PTPRD: variants seen among roughly 807,000 people sequenced by gnomAD.
The protein encoded by PTPRD is receptor-type tyrosine-protein phosphatase delta.
A neutral mutation model predicts 214.5 loss-of-function variants in PTPRD; 34 were observed. The observed-to-expected ratio is 0.16, with a 90% CI of 0.12 to 0.21. PTPRD has a LOEUF of 0.21. Among genes scored for constraint, PTPRD ranks in the 10% least tolerant of loss-of-function variants. PTPRD has a pLI of 1.00. For synonymous variants in PTPRD, 1,128 were observed against 845.7 expected (o/e 1.33, Z -5.79); for missense variants, 2,545 against 2,398.7 (o/e 1.06, Z -1.27).
intron 11 of PTPRD, among the ~76,000 whole-genome samples, chr9:8,819,473 C>A (rs761150073): frequency 6.6e-6 from 1 of 152,044 alleles, no homozygotes; most frequent in African/African-American, 2.4e-5. Flanking sequence ...ATCAGCCTGG[C>A]CAACATGGCG....
At chr9:9,263,795 C>CACTTGAGT (rs1332775952) in intron 9 of PTPRD, among the ~76,000 whole-genome samples, 1 of 151,642 alleles carries the variant, frequency 6.6e-6, no homozygotes, top group Non-Finnish European at 1.5e-5. Context: ...ACACCACAGA[C>CACTTGAGT]ACTTGAGTAG....
chr9:10,333,756 G>C lies in PTPRD; in HGVS notation c.-545+7207C>G, dbSNP rs146759438. Reference sequence around the variant, plus strand: ...AAACTAAAGAAGCACAGTGCTGTTAGAAAAGTCTTATTTCTTCTCCTGTAC... The same window carrying C: ...AAACTAAAGAAGCACAGTGCTGTTACAAAAGTCTTATTTCTTCTCCTGTAC... On this transcript the variant is annotated intron_variant, in intron 3 of 45. Transcript: ENST00000381196. 5.3e-5 allele frequency among the ~76,000 whole-genome samples: 8 copies of C among 151,914 alleles called. No individual in the cohort carries two copies. The East Asian group carries it at 1.6e-3, about 30-fold the overall frequency.
chr9:9,024,334 C>CTTAGTTTTTTTTTTT (rs1169168298), intron 10 of PTPRD, among the ~76,000 whole-genome samples: 4 of 72,748 alleles, frequency 5.5e-5, no homozygotes, highest in African/African-American at 9.7e-5. Flanking sequence ...ATTGTCGATT[C>CTTAGTTTTTTTTTTT]TTTGTTTTTT....
chr9:9,812,146 TA>T (rs999175445), intron 5 of PTPRD, among the ~76,000 whole-genome samples: 82 of 149,564 alleles, frequency 5.5e-4, no homozygotes, highest in African/African-American at 1.9e-3. Context: ...CATTTTTTTT[TA>T]GACATATGCT....
At chr9:9,789,505 A>T (rs2098951062) in intron 5 of PTPRD, among the ~76,000 whole-genome samples, 1 of 152,120 alleles carries the variant, frequency 6.6e-6, no homozygotes, top group Non-Finnish European at 1.5e-5. Context: ...GGTGATTAAA[A>T]CTTTTAAATC....
At chr9:8,750,017 C>T (rs958749499) in intron 11 of PTPRD, among the ~76,000 whole-genome samples, 2 of 151,318 alleles carry the variant, frequency 1.3e-5, no homozygotes, top group East Asian at 2.0e-4. Context: ...GCAGGAGAAT[C>T]GCTTGAACCC....
At chr9:9,701,848 G>A (rs1433590848) in intron 7 of PTPRD, among the ~76,000 whole-genome samples, 1 of 152,158 alleles carries the variant, frequency 6.6e-6, no homozygotes, top group African/African-American at 2.4e-5. Flanking sequence ...GCCAGGTGTG[G>A]TGGCTCACTC....
At chr9:9,874,281 C>A (rs2066256511) in intron 5 of PTPRD, among the ~76,000 whole-genome samples, 1 of 152,112 alleles carries the variant, frequency 6.6e-6, no homozygotes. Context: ...GGCTATTATT[C>A]ATTTTTAAAT....
At chr9:9,188,895 C>T (rs2099933360) in intron 9 of PTPRD, among the ~76,000 whole-genome samples, 1 of 151,586 alleles carries the variant, frequency 6.6e-6, no homozygotes, top group East Asian at 1.9e-4. Context: ...ACAAAACCAA[C>T]ACATAAAGTG....
At chr9:9,909,402 G>A (rs1377774831) in intron 5 of PTPRD, among the ~76,000 whole-genome samples, 3 of 148,994 alleles carry the variant, frequency 2.0e-5, no homozygotes, top group African/African-American at 4.9e-5. Flanking sequence ...AAGTAATATT[G>A]GAAAGACTTT....
At chr9:10,442,341 T>C (rs1046146847) in intron 2 of PTPRD, among the ~76,000 whole-genome samples, 8 of 151,710 alleles carry the variant, frequency 5.3e-5, no homozygotes, top group Non-Finnish European at 3.0e-5. Context: ...TAGGTTTTAG[T>C]AGCACTTGCT....
intron 10 of PTPRD, among the ~76,000 whole-genome samples, chr9:9,095,979 C>A (rs984347225): frequency 6.6e-6 from 1 of 152,104 alleles, no homozygotes; most frequent in Non-Finnish European, 1.5e-5. Flanking sequence ...GGATATTAGG[C>A]TAAGTGAAAT....
At chr9:9,600,618 C>A (rs2093676430) in intron 7 of PTPRD, among the ~76,000 whole-genome samples, 1 of 151,942 alleles carries the variant, frequency 6.6e-6, no homozygotes, top group South Asian at 2.1e-4. Flanking sequence ...ACCAAGAGGC[C>A]CTCCCCTACA....
chr9:9,413,438 T>C (rs959725166), intron 8 of PTPRD, among the ~76,000 whole-genome samples: 1 of 152,192 alleles, frequency 6.6e-6, no homozygotes, highest in African/African-American at 2.4e-5. Context: ...TTAAATCATG[T>C]TTCTACATTT....
At chr9:10,342,606 G>T (rs1313347681) in intron 2 of PTPRD, among the ~76,000 whole-genome samples, 1 of 152,028 alleles carries the variant, frequency 6.6e-6, no homozygotes, top group Non-Finnish European at 1.5e-5. Context: ...GTCCTCAAAT[G>T]TATAAATACA....
intron 4 of PTPRD, among the ~76,000 whole-genome samples, chr9:9,964,471 T>C (rs62536923): frequency 0.04 from 6,087 of 152,228 alleles, 147 homozygotes; most frequent in Non-Finnish European, 0.059. Context: ...TAAAGAAGCT[T>C]AGCAGGATAG....
At chr9:10,243,337 A>G (rs10756015) in intron 3 of PTPRD, among the ~76,000 whole-genome samples, 82,715 of 151,742 alleles carry the variant, frequency 0.55, 24,068 homozygotes, top group East Asian at 0.73. Context: ...TTCTTTTCAT[A>G]TTAAATGTTA....
rs571989185 is a variant in PTPRD at position 10,384,407 on chromosome 9, T to C, written c.-599-43390A>G. Among the ~76,000 whole-genome samples, 9 of 151,876 alleles carry C rather than the reference T, an allele frequency of 5.9e-5. No individual in the cohort carries two copies. In the South Asian group the frequency reaches 1.7e-3, roughly 28 times the overall value. ...GGTGATTTCCTGGGATTCATTACAA[T>C]TTTCTGATTCTATATGATCAAAAAT... On this transcript the variant is annotated intron_variant, in intron 2 of 45. Transcript: ENST00000381196.
intron 10 of PTPRD, among the ~76,000 whole-genome samples, chr9:9,156,846 G>A (rs1030207292): frequency 7.2e-5 from 11 of 152,110 alleles, no homozygotes; most frequent in Admixed American, 3.9e-4. Context: ...GTTACTCATC[G>A]TTTCTATTCC....
Sources: allele counts gnomAD v4.1 joint callset (sites outside exome capture counted in the v4.1 genomes callset), GRCh38; gene constraint gnomAD v4.1.1; transcripts MANE v1.5; gene names NCBI Gene and HGNC (gene_info 2026-07-23, HGNC 2026-07-21).